The following MAGEB10 variants were observed in gnomAD, a reference collection of about 807,000 sequenced individuals.
MAGEB10 encodes the protein melanoma-associated antigen B10.
For synonymous variants in MAGEB10, 99 were observed against 101.0 expected (o/e 0.98, Z 0.12); for missense variants, 190 against 261.9 (o/e 0.73, Z 1.89).
chrX:27,814,458 A>T (rs1923745596), intron 1 of MAGEB10, among the ~76,000 whole-genome samples: 1 of 111,697 alleles, frequency 9.0e-6, no homozygotes, highest in Non-Finnish European at 1.9e-5. Context: ...GAAATCCTCA[A>T]ATTTGCAAAG....
intron 1 of MAGEB10, among the ~76,000 whole-genome samples, chrX:27,810,217 G>C (rs1923650747): frequency 9.0e-6 from 1 of 111,340 alleles, no homozygotes; most frequent in African/African-American, 3.3e-5. Flanking sequence ...TCCCTCTTTG[G>C]GTCCACACTG....
At chrX:27,819,024 C>T in intron 2 of MAGEB10, among the ~76,000 whole-genome samples, 1 of 110,700 alleles carries the variant, frequency 9.0e-6, no homozygotes, top group Non-Finnish European at 1.9e-5. Flanking sequence ...GAAAGAGTCA[C>T]CCACTCCATA....
intron 2 of MAGEB10, among the ~76,000 whole-genome samples, chrX:27,818,188 A>G (rs1923816706): frequency 9.0e-6 from 1 of 110,915 alleles, no homozygotes; most frequent in African/African-American, 3.3e-5. Context: ...CCCTGCGTCA[A>G]TTAATACCAG....
chrX:27,817,468 G>A (rs1465707029), intron 1 of MAGEB10, 86 bp from the exon 2 acceptor site: 1 of 110,704 alleles, frequency 9.0e-6, no homozygotes, highest in Admixed American at 9.6e-5. Flanking sequence ...ATATACATGT[G>A]CAACAAAAAT....
chrX:27,821,588 A>G lies in MAGEB10; in HGVS notation c.282A>G (p.Pro94=). 1 of 1,210,819 alleles carries G rather than the reference A, an allele frequency of 8.3e-7. No individual in the cohort carries two copies. The highest frequency in any genetic ancestry group is 1.1e-6 in the Non-Finnish European group (1 of 894,922). Reference sequence around the variant, plus strand: ...TCAACGACCAAATGGAAGAAAGGCCAATATGCACACAAGATCTAGAAGCCA... The same window carrying G: ...TCAACGACCAAATGGAAGAAAGGCCGATATGCACACAAGATCTAGAAGCCA... ...EGVNDQMEER[P]ICTQDLEATD... The change falls in exon 3 of 3, where the codon CCA becomes CCG. Residue 94 remains proline, a synonymous_variant. Coordinates refer to ENST00000356790, the MANE Select transcript of MAGEB10 (RefSeq NM_182506.3).
rs768107565 is a variant in MAGEB10 at position 27,822,197 on chromosome X, T to C, written c.891T>C (p.Asp297=). 9.9e-6 allele frequency: 12 copies of C among 1,211,819 alleles called. No homozygotes were observed. In the East Asian group the frequency reaches 3.0e-4, roughly 30 times the overall value. ...KVLEFLAKVN[D]TAPSEFSNWY... Reference sequence around the variant, plus strand: ...TTGAGTTTTTGGCCAAGGTAAATGATACAGCTCCCAGTGAATTCTCAAACT... The same window carrying C: ...TTGAGTTTTTGGCCAAGGTAAATGACACAGCTCCCAGTGAATTCTCAAACT... The change falls in exon 3 of 3, where the codon GAT becomes GAC. Residue 297 remains aspartate, a synonymous_variant. Transcript: ENST00000356790.
rs1257606911 is a variant in MAGEB10 at position 27,817,690 on chromosome X, G to C, written c.-62G>C. The C allele has an allele frequency of 9.0e-6, 1 of 110,938 alleles. No individual in the cohort carries two copies. Among genetic ancestry groups the C allele is most frequent in the African/African-American group, 3.3e-5 (1 of 30,440 alleles). The allele number at this position is 110,938 out of a possible 1,213,427, so 9.1% of individuals were successfully genotyped here. On this transcript the variant is annotated 5_prime_UTR_variant, in exon 2 of 3. Transcript: ENST00000356790. Reference sequence around the variant, plus strand: ...GCTAGGAGTACAGTTGGGAGCCACTGTACCTGGTTACTGTGAGTTTTAAAT... The same window carrying C: ...GCTAGGAGTACAGTTGGGAGCCACTCTACCTGGTTACTGTGAGTTTTAAAT...
chrX:27,808,303 A>T (rs911941180), intron 1 of MAGEB10, among the ~76,000 whole-genome samples: 1 of 111,906 alleles, frequency 8.9e-6, no homozygotes, highest in African/African-American at 3.2e-5. Context: ...TAATCAATGA[A>T]TTAGGAGCGA....
chrX:27,809,815 G>A (rs190348187), intron 1 of MAGEB10, among the ~76,000 whole-genome samples: 95 of 103,110 alleles, frequency 9.2e-4, no homozygotes, highest in African/African-American at 3.1e-3. Flanking sequence ...TACACCAATC[G>A]GCACTCTGTA....
Position 27,821,343 on chromosome X carries a change from G to A in MAGEB10, c.37G>A (p.Glu13Lys). The change falls in exon 3 of 3, where the codon GAA becomes AAA. Residue 13 changes from glutamate to lysine, a missense_variant. Glu to Lys is a moderately conservative substitution (Grantham distance 56). Transcript: ENST00000356790. ...TCAGAAGAGTAAACTCCGTGCCAGGGAAAAACGCCGTCAGGCCCGAGGAGG... is the reference window on the plus strand; with the variant it reads ...TCAGAAGAGTAAACTCCGTGCCAGGAAAAAACGCCGTCAGGCCCGAGGAGG... ...RGQKSKLRAREKRRQARGGLE... is the reference protein window; with the variant it reads ...RGQKSKLRARKKRRQARGGLE... 2 of 1,211,443 alleles carry A rather than the reference G, an allele frequency of 1.7e-6. No individual in the cohort carries two copies. Among genetic ancestry groups the A allele is most frequent in the Admixed American group, 4.3e-5 (2 of 46,050 alleles).
intron 1 of MAGEB10, among the ~76,000 whole-genome samples, chrX:27,811,683 T>G (rs901089115): frequency 1.8e-4 from 20 of 112,415 alleles, no homozygotes; most frequent in Non-Finnish European, 3.8e-4. Flanking sequence ...TTACTTCCAC[T>G]GATTCCTCAG....
Position 27,821,595 on chromosome X carries a change from A to C in MAGEB10, c.289A>C (p.Thr97Pro), listed in dbSNP as rs1923890571. Residue 97 changes from threonine to proline, a missense_variant, in exon 3 of 3, where the codon ACA becomes CCA. Physicochemically the swap from Thr to Pro is conservative, Grantham distance 38. Coordinates refer to ENST00000356790, the MANE Select transcript of MAGEB10 (RefSeq NM_182506.3). ...CCAAATGGAAGAAAGGCCAATATGC[A>C]CACAAGATCTAGAAGCCACTGATAG... is the stretch of plus-strand genomic sequence containing the variant. ...NDQMEERPICTQDLEATDSFP... is the reference protein window; with the variant it reads ...NDQMEERPICPQDLEATDSFP... 8.3e-7 allele frequency: 1 copy of C among 1,208,943 alleles called. No individual in the cohort carries two copies. Among genetic ancestry groups the C allele is most frequent in the African/African-American group, 1.8e-5 (1 of 57,100 alleles).
At chrX:27,818,577 C>T (rs928368186) in intron 2 of MAGEB10, among the ~76,000 whole-genome samples, 12 of 111,978 alleles carry the variant, frequency 1.1e-4, no homozygotes, top group African/African-American at 3.9e-4. Flanking sequence ...TCCCCAACTC[C>T]GAATACTTCC....
chrX:27,817,668 A>G lies in MAGEB10; in HGVS notation c.-84A>G, dbSNP rs1449382417. On this transcript the variant is annotated 5_prime_UTR_variant, in exon 2 of 3. Transcript: ENST00000356790. Reference sequence around the variant, plus strand: ...TCCCACCTCAGCCTTTCAAGCAGCTAGGAGTACAGTTGGGAGCCACTGTAC... The same window carrying G: ...TCCCACCTCAGCCTTTCAAGCAGCTGGGAGTACAGTTGGGAGCCACTGTAC... 9.0e-6 allele frequency: 1 copy of G among 111,253 alleles called. No individual in the cohort carries two copies. The highest frequency in any genetic ancestry group is 1.9e-5 in the Non-Finnish European group (1 of 53,127). 9.2% of individuals were successfully genotyped at this position (111,253 alleles called of 1,213,427 possible).
Position 27,821,865 on chromosome X carries a change from G to A in MAGEB10, c.559G>A (p.Gly187Ser). 2 of 1,211,813 alleles carry A rather than the reference G, an allele frequency of 1.7e-6. No homozygotes were observed. Among genetic ancestry groups the A allele is most frequent in the Middle Eastern group, 2.3e-4 (1 of 4,354 alleles). ...IYVLVNKLDL[G>S]CDAKLSDETG... The stretch of plus-strand genomic sequence containing the variant: ...TGTCCTTGTCAACAAACTAGATCTA[G>A]GCTGTGATGCAAAGCTGAGTGATGA... The change falls in exon 3 of 3, where the codon GGC becomes AGC. Residue 187 changes from glycine (G) to serine (S), a missense_variant. Coordinates refer to ENST00000356790, the MANE Select transcript of MAGEB10 (RefSeq NM_182506.3).
At position 27,822,391 on chromosome X, in the gene MAGEB10, C is replaced by T. The variant is rs368541090; in HGVS notation, c.*41C>T. ...CTTCATTTGTGTTTGAAAAGAAATG[C>T]ACATTCTGAGCTGTGGGAGGTCAGG... On this transcript the variant is annotated 3_prime_UTR_variant, in exon 3 of 3. Coordinates refer to ENST00000356790, the MANE Select transcript of MAGEB10 (RefSeq NM_182506.3). 1.4e-4 allele frequency: 160 copies of T among 1,134,541 alleles called. 1 individual carries two copies. The South Asian group carries it at 1.6e-3, about 11-fold the overall frequency. 93.5% of individuals were successfully genotyped at this position (1,134,541 alleles called of 1,213,427 possible).
In MAGEB10 at chrX:27,821,641, A is replaced by T. The variant is rs1217560523; in HGVS notation, c.335A>T (p.Asp112Val). Residue 112 changes from aspartate to valine, a missense_variant, in exon 3 of 3, where the codon GAT becomes GTT. Transcript: ENST00000356790. Reference protein sequence around the residue: ...ATDSFPRGPVDEKVIILVHYL... With the variant: ...ATDSFPRGPVVEKVIILVHYL... ...GATAGCTTTCCCAGAGGCCCTGTAGATGAGAAAGTAATTATATTGGTGCAT... is the reference window on the plus strand; with the variant it reads ...GATAGCTTTCCCAGAGGCCCTGTAGTTGAGAAAGTAATTATATTGGTGCAT... 1 of 1,209,739 alleles carries T rather than the reference A, an allele frequency of 8.3e-7. No individual in the cohort carries two copies. The highest frequency in any genetic ancestry group is 1.1e-6 in the Non-Finnish European group (1 of 895,096).
chrX:27,822,715 C>G lies in MAGEB10; in HGVS notation c.*365C>G, dbSNP rs1602867315. On this transcript the variant is annotated 3_prime_UTR_variant, in exon 3 of 3. Coordinates refer to ENST00000356790, the MANE Select transcript of MAGEB10 (RefSeq NM_182506.3). ...AATTTAGGAGTGTAATAAATGGGATCAAGAAATAGAGCAAAGAGGGTCGGG... is the reference window on the plus strand; with the variant it reads ...AATTTAGGAGTGTAATAAATGGGATGAAGAAATAGAGCAAAGAGGGTCGGG... The G allele has an allele frequency of 5.7e-6, 1 of 174,313 alleles. No homozygotes were observed. The highest frequency in any genetic ancestry group is 1.2e-5 in the Non-Finnish European group (1 of 86,067). The allele number at this position is 174,313 out of a possible 1,213,427, so 14.4% of individuals were successfully genotyped here.
At chrX:27,815,079 C>A (rs755023250) in intron 1 of MAGEB10, among the ~76,000 whole-genome samples, 1 of 111,749 alleles carries the variant, frequency 8.9e-6, no homozygotes, top group Non-Finnish European at 1.9e-5. Flanking sequence ...GGTGCTGGCA[C>A]CTGGGACCAG....
Sources: gnomAD v4.1 joint callset for allele counts (sites outside exome capture counted in the v4.1 genomes callset) on GRCh38, gnomAD v4.1.1 for gene constraint, MANE v1.5 for transcripts, NCBI Gene and HGNC (gene_info 2026-07-23, HGNC 2026-07-21) for gene names.